The following PRR11 variants were observed in gnomAD, a reference collection of about 807,000 sequenced individuals.
PRR11 encodes the protein proline-rich protein 11.
Under a neutral mutation model 45.6 loss-of-function variants are expected in PRR11, and 30 were observed. The ratio of observed to expected loss-of-function variants is 0.66; its 90% confidence interval spans 0.49 to 0.89. The LOEUF (loss-of-function observed/expected upper bound fraction) is 0.89, where lower values mean the gene tolerates loss of function less well. PRR11 is among the 40% of genes least tolerant of loss of function. PRR11 has a pLI of 0.00. For missense variants in PRR11, 373 were observed against 424.8 expected (o/e 0.88, Z 1.07); for synonymous variants, 128 against 153.5 (o/e 0.83, Z 1.23).
At position 59,205,518 on chromosome 17, in the gene PRR11, A is replaced by G. The variant is rs1258266445; in HGVS notation, c.*3887A>G. On this transcript the variant is annotated 3_prime_UTR_variant, in exon 10 of 10. Transcript: ENST00000262293. The stretch of plus-strand genomic sequence containing the variant: ...AGAGTTCGAGACCAGTCTGGCCAAC[A>G]TGGTGAAACCCTGTCTCTACTAAAA... 1.4e-5 allele frequency among the ~76,000 whole-genome samples: 2 copies of G among 142,356 alleles called. No individual in the cohort carries two copies. Among genetic ancestry groups the G allele is most frequent in the South Asian group, 2.3e-4 (1 of 4,272 alleles). The allele number at this position is 142,356 out of a possible 152,430, so 93.4% of individuals were successfully genotyped here. A position where few individuals can be genotyped will look rare whatever the true frequency, so the allele number is the denominator to read the frequency against.
At chr17:59,185,265 T>C in intron 3 of PRR11, 61 bp downstream of exon 3, 2 of 1,584,384 alleles carry the variant, frequency 1.3e-6, no homozygotes, top group Admixed American at 1.7e-5. Flanking sequence ...GGTGTTTATA[T>C]ACATATGTGC....
chr17:59,184,091 C>A (rs1200622041), intron 2 of PRR11, among the ~76,000 whole-genome samples: 1 of 152,028 alleles, frequency 6.6e-6, no homozygotes, highest in Non-Finnish European at 1.5e-5. Context: ...GGCAACACAG[C>A]AAGACGTTGT....
intron 2 of PRR11, among the ~76,000 whole-genome samples, chr17:59,171,193 G>T (rs2046706567): frequency 6.6e-6 from 1 of 152,142 alleles, no homozygotes; most frequent in Non-Finnish European, 1.5e-5. Flanking sequence ...AGCCCGGGAG[G>T]CAGAGCTTGC....
intron 2 of PRR11, among the ~76,000 whole-genome samples, chr17:59,170,988 G>A (rs7224775): frequency 0.034 from 5,240 of 152,254 alleles, 338 homozygotes; most frequent in African/African-American, 0.12. Flanking sequence ...GGCCAGGCGC[G>A]GTGGCTCATG....
At chr17:59,165,874 A>G (rs1328721942) in intron 1 of PRR11, among the ~76,000 whole-genome samples, 1 of 152,152 alleles carries the variant, frequency 6.6e-6, no homozygotes, top group Non-Finnish European at 1.5e-5. Flanking sequence ...ACCTTCCTTC[A>G]TTATTTCAGC....
chr17:59,178,108 C>T (rs1396839543), intron 2 of PRR11, among the ~76,000 whole-genome samples: 1 of 151,860 alleles, frequency 6.6e-6, no homozygotes, highest in Non-Finnish European at 1.5e-5. Context: ...CCAAGGCAAG[C>T]GGAACACCTG....
chr17:59,197,533 T>A lies in PRR11; in HGVS notation c.858-11T>A, dbSNP rs2046872376. 3 of 1,612,716 alleles carry A rather than the reference T, an allele frequency of 1.9e-6. No homozygotes were observed. The highest frequency in any genetic ancestry group is 1.1e-5 in the South Asian group (1 of 91,048). ...CCCAAAGTTCTAATTTTTATATCTT[T>A]GTTTTATCAGCACTCCTGGAAAAAG... On this transcript the variant is annotated splice_polypyrimidine_tract_variant and intron_variant, in intron 7 of 9. Coordinates refer to ENST00000262293, the MANE Select transcript of PRR11 (RefSeq NM_018304.4).
intron 2 of PRR11, among the ~76,000 whole-genome samples, chr17:59,176,329 G>T (rs777395895): frequency 6.6e-6 from 1 of 152,184 alleles, no homozygotes; most frequent in African/African-American, 2.4e-5. Context: ...TAAGGAAGTT[G>T]TTCAGGTGGG....
At chr17:59,163,393 T>G (rs1291515590) in intron 1 of PRR11, among the ~76,000 whole-genome samples, 1 of 152,246 alleles carries the variant, frequency 6.6e-6, no homozygotes, top group Non-Finnish European at 1.5e-5. Flanking sequence ...CCAATGCTTA[T>G]ACTTTAAATA....
At chr17:59,185,699 A>G in intron 4 of PRR11, 137 bp downstream of exon 4, 1 of 761,092 alleles carries the variant, frequency 1.3e-6, no homozygotes, top group South Asian at 2.0e-5. Context: ...TTTCTTTGTT[A>G]GCAAGGAATA....
At position 59,205,765 on chromosome 17, in the gene PRR11, G is replaced by T. The variant is rs2046915034; in HGVS notation, c.*4134G>T. 1.3e-5 allele frequency among the ~76,000 whole-genome samples: 2 copies of T among 151,686 alleles called. No individual in the cohort carries two copies. The highest frequency in any genetic ancestry group is 4.8e-5 in the African/African-American group (2 of 41,422). On this transcript the variant is annotated 3_prime_UTR_variant, in exon 10 of 10. Coordinates refer to ENST00000262293, the MANE Select transcript of PRR11 (RefSeq NM_018304.4). ...AAATTAAAAAATTATAGGCTTGGGG[G>T]CCAGGCACAGTGGCTCACACCTGTA...
At chr17:59,201,244 A>C (rs1319533203) in intron 9 of PRR11, among the ~76,000 whole-genome samples, 1 of 152,172 alleles carries the variant, frequency 6.6e-6, no homozygotes, top group Non-Finnish European at 1.5e-5. Flanking sequence ...CAGTGGCTTC[A>C]CCATATAATC....
intron 2 of PRR11, among the ~76,000 whole-genome samples, chr17:59,173,876 A>T (rs1413587772): frequency 6.6e-6 from 1 of 152,174 alleles, no homozygotes; most frequent in Non-Finnish European, 1.5e-5. Context: ...AATGGAATAA[A>T]GTTCCTGCTG....
chr17:59,195,527 G>T lies in PRR11; in HGVS notation c.857+84G>T, dbSNP rs2046861894. On this transcript the variant is annotated intron_variant, in intron 7 of 9. Coordinates refer to ENST00000262293, the MANE Select transcript of PRR11 (RefSeq NM_018304.4). ...AAAGGCCTAAAGAAAAGGAAAAAAA[G>T]ATTTTTTGTGTGTATTTCTAATGTT... 9 of 849,036 alleles carry T rather than the reference G, an allele frequency of 1.1e-5. No homozygotes were observed. The East Asian group carries it at 2.3e-4, about 22-fold the overall frequency. 52.6% of individuals were successfully genotyped at this position (849,036 alleles called of 1,614,324 possible).
chr17:59,165,021 T>C (rs1483140770), intron 1 of PRR11, among the ~76,000 whole-genome samples: 8 of 152,072 alleles, frequency 5.3e-5, no homozygotes, highest in Non-Finnish European at 1.0e-4. Context: ...TTTTGTTTTT[T>C]TGTTTTGTTT....
intron 1 of PRR11, among the ~76,000 whole-genome samples, chr17:59,168,625 G>A (rs2147836454): frequency 6.6e-6 from 1 of 152,192 alleles, no homozygotes; most frequent in African/African-American, 2.4e-5. Flanking sequence ...GGGAGGTGGA[G>A]GTTGCAGTGA....
intron 2 of PRR11, among the ~76,000 whole-genome samples, chr17:59,184,664 T>C (rs1271852870): frequency 6.6e-6 from 1 of 152,110 alleles, no homozygotes; most frequent in African/African-American, 2.4e-5. Context: ...CCGCCAGAGC[T>C]GGGTGGGTCC....
At chr17:59,185,611 C>CT (rs937350037) in intron 4 of PRR11, 49 bp downstream of exon 4, 3 of 1,472,490 alleles carry the variant, frequency 2.0e-6, no homozygotes, top group South Asian at 1.2e-5. Flanking sequence ...TAAGGAGACA[C>CT]TTTTTTTGAA....
At chr17:59,158,077 T>C (rs1449657268) in intron 1 of PRR11, among the ~76,000 whole-genome samples, 1 of 152,194 alleles carries the variant, frequency 6.6e-6, no homozygotes, top group East Asian at 1.9e-4. Flanking sequence ...AGGGAATATC[T>C]AGATCTCATT....
Sources: allele counts gnomAD v4.1 joint callset (sites outside exome capture counted in the v4.1 genomes callset), GRCh38; gene constraint gnomAD v4.1.1; transcripts MANE v1.5; gene names NCBI Gene and HGNC (gene_info 2026-07-23, HGNC 2026-07-21).